Variants in SDK1 observed in about 807,000 individuals in gnomAD.
SDK1 encodes the protein sidekick cell adhesion molecule 1, also known as protein sidekick-1.
In SDK1, 157 loss-of-function variants were observed where a neutral mutation model predicts 245.5. That is an observed-to-expected ratio of 0.64 (90% CI 0.56 to 0.73). SDK1 has a LOEUF of 0.73. Among genes scored for constraint, SDK1 ranks in the 30% least tolerant of loss-of-function variants. The pLI, the probability that SDK1 is intolerant of heterozygous loss-of-function variation, is 0.00. For synonymous variants in SDK1, 1,647 were observed against 1,278.5 expected (o/e 1.29, Z -6.15); for missense variants, 3,583 against 3,002.3 (o/e 1.19, Z -4.52).
intron 1 of SDK1, among the ~76,000 whole-genome samples, chr7:3,616,509 G>A (rs893611666): frequency 1.3e-5 from 2 of 152,192 alleles, no homozygotes; most frequent in African/African-American, 2.4e-5. Flanking sequence ...CCTGCTTAAC[G>A]GTTTGGAGTG....
chr7:3,511,607 C>T (rs533356300), intron 1 of SDK1, among the ~76,000 whole-genome samples: 1 of 151,840 alleles, frequency 6.6e-6, no homozygotes, highest in African/African-American at 2.4e-5. Flanking sequence ...TCTTTCTAAC[C>T]CTCTAGTTCA....
In SDK1 at chr7:3,343,216, C is replaced by G. The variant is rs62437704; in HGVS notation, c.298+41332C>G. On this transcript the variant is annotated intron_variant, in intron 1 of 44. Coordinates refer to ENST00000404826, the MANE Select transcript of SDK1 (RefSeq NM_152744.4). ...CATAATCATGCAAAAACCTGTACAC[C>G]AATGCTTAGAGAAGCTTTATTTATA... Among the ~76,000 whole-genome samples the G allele has an allele frequency of 4.8e-3, 729 of 152,198 alleles. 3 individuals carry two copies. The highest frequency in any genetic ancestry group is 6.4e-3 in the Non-Finnish European group (437 of 68,016).
intron 14 of SDK1, among the ~76,000 whole-genome samples, chr7:4,003,137 T>A (rs1785199591): frequency 6.6e-6 from 1 of 152,260 alleles, no homozygotes; most frequent in African/African-American, 2.4e-5. Flanking sequence ...GCCCTCACTC[T>A]TGTGTGCCTG....
At chr7:3,654,050 G>T (rs1783085958) in intron 4 of SDK1, among the ~76,000 whole-genome samples, 1 of 152,140 alleles carries the variant, frequency 6.6e-6, no homozygotes, top group Non-Finnish European at 1.5e-5. Context: ...GTGGCTCTCT[G>T]GCTGGCAGTG....
In SDK1 at chr7:3,619,069, T is replaced by G. The variant is rs948204435; in HGVS notation, c.299-11T>G. 1 of 1,553,108 alleles carries G rather than the reference T, an allele frequency of 6.4e-7. No homozygotes were observed. Among genetic ancestry groups the G allele is most frequent in the African/African-American group, 1.4e-5 (1 of 73,242 alleles). Reference sequence around the variant, plus strand: ...TTCAGTTTTGTTTTGTTTTGTTTTTTAATATTTCAGATGATGTTGCTCCAT... The same window carrying G: ...TTCAGTTTTGTTTTGTTTTGTTTTTGAATATTTCAGATGATGTTGCTCCAT... On this transcript the variant is annotated splice_polypyrimidine_tract_variant and intron_variant, in intron 1 of 44. Coordinates refer to ENST00000404826, the MANE Select transcript of SDK1 (RefSeq NM_152744.4).
intron 4 of SDK1, among the ~76,000 whole-genome samples, chr7:3,659,288 A>G (rs931276798): frequency 2.0e-5 from 3 of 152,096 alleles, no homozygotes; most frequent in Non-Finnish European, 4.4e-5. Context: ...GTATGATATC[A>G]CATAGGTTCC....
At chr7:3,373,498 T>A (rs921422501) in intron 1 of SDK1, among the ~76,000 whole-genome samples, 1 of 152,234 alleles carries the variant, frequency 6.6e-6, no homozygotes, top group Non-Finnish European at 1.5e-5. Context: ...GTAAAAGGAT[T>A]GAAAGGTGTT....
chr7:4,208,664 C>G (rs1437551446), intron 37 of SDK1, among the ~76,000 whole-genome samples: 1 of 152,224 alleles, frequency 6.6e-6, no homozygotes, highest in Non-Finnish European at 1.5e-5. Context: ...GATGGCATGT[C>G]CAGATCCTTG....
At chr7:3,552,529 T>C (rs751339036) in intron 1 of SDK1, among the ~76,000 whole-genome samples, 10 of 152,352 alleles carry the variant, frequency 6.6e-5, no homozygotes, top group Middle Eastern at 3.4e-3. Context: ...TATATTCATT[T>C]ATGATCCATA....
Position 3,559,036 on chromosome 7 carries a change from G to A in SDK1, c.299-60044G>A, listed in dbSNP as rs545872587. 5.3e-5 allele frequency among the ~76,000 whole-genome samples: 8 copies of A among 152,236 alleles called. No homozygotes were observed. In the South Asian group the frequency reaches 1.7e-3, roughly 32 times the overall value. On this transcript the variant is annotated intron_variant, in intron 1 of 44. Coordinates refer to ENST00000404826, the MANE Select transcript of SDK1 (RefSeq NM_152744.4). ...GTTTTAAAATATCCTGTTGCATACA[G>A]GATGTATTTTTTTGAAGGGTTAAGA...
In SDK1 at chr7:3,957,459, C is replaced by T. The variant is rs547214328; in HGVS notation, c.1151-1472C>T. 7.9e-5 allele frequency among the ~76,000 whole-genome samples: 12 copies of T among 152,268 alleles called. No individual in the cohort carries two copies. In the South Asian group the frequency reaches 2.1e-3, roughly 26 times the overall value. ...TACAGTGTTACTTCTCACAACTGCACGGACTCGACAGTTTTCTAAAAAGAA... is the reference window on the plus strand; with the variant it reads ...TACAGTGTTACTTCTCACAACTGCATGGACTCGACAGTTTTCTAAAAAGAA... On this transcript the variant is annotated intron_variant, in intron 7 of 44. Coordinates refer to ENST00000404826, the MANE Select transcript of SDK1 (RefSeq NM_152744.4).
intron 1 of SDK1, among the ~76,000 whole-genome samples, chr7:3,592,818 G>C (rs780022425): frequency 1.3e-5 from 2 of 152,178 alleles, no homozygotes; most frequent in African/African-American, 4.8e-5. Flanking sequence ...CTGATTATTA[G>C]GAAGTATATG....
rs61732620 is a variant in SDK1, at chr7:4,017,225, G to A, written c.2475G>A (p.Pro825=). Residue 825 remains proline, a synonymous_variant, in exon 17 of 45, where the codon CCG becomes CCA. Transcript: ENST00000404826. ...GEYQQRNITS[P]EVNYCLVTDL... ...ACCAGCAGCGGAACATCACCAGCCCGGAGGTGAACTACTGCCTGGTGACAG... is the reference window on the plus strand; with the variant it reads ...ACCAGCAGCGGAACATCACCAGCCCAGAGGTGAACTACTGCCTGGTGACAG... 2,020 of 1,614,060 alleles carry A rather than the reference G, an allele frequency of 1.3e-3. 28 individuals carry two copies. The African/African-American group carries it at 0.023, about 18-fold the overall frequency.
chr7:4,261,435 G>T lies in SDK1; in HGVS notation c.6382-3689G>T, dbSNP rs568982342. Among the ~76,000 whole-genome samples, 12 of 151,924 alleles carry T rather than the reference G, an allele frequency of 7.9e-5. No individual in the cohort carries two copies. The South Asian group carries it at 2.5e-3, about 32-fold the overall frequency. ...TGCAAGGACGCAGCTCACACACCCT[G>T]GGGAAACCGGATTGGCAGTTTTCCT... On this transcript the variant is annotated intron_variant, in intron 44 of 44. Coordinates refer to ENST00000404826, the MANE Select transcript of SDK1 (RefSeq NM_152744.4).
chr7:3,574,897 C>T (rs553577927), intron 1 of SDK1, among the ~76,000 whole-genome samples: 3 of 152,000 alleles, frequency 2.0e-5, no homozygotes, highest in Non-Finnish European at 4.4e-5. Context: ...GGCATTTTCT[C>T]TGAGTTGTAG....
intron 7 of SDK1, chr7:3,957,897 C>G: frequency 2.2e-6 from 1 of 457,480 alleles, no homozygotes; most frequent in Non-Finnish European, 4.5e-6. Context: ...GTGGTTGATT[C>G]AGGCAGATTC....
intron 4 of SDK1, among the ~76,000 whole-genome samples, chr7:3,783,957 C>T (rs1583409952): frequency 6.6e-6 from 1 of 151,266 alleles, no homozygotes; most frequent in East Asian, 1.9e-4. Flanking sequence ...AACTATACTA[C>T]AGAGCTATAG....
chr7:3,515,433 A>T (rs546286528), intron 1 of SDK1, among the ~76,000 whole-genome samples: 1 of 152,322 alleles, frequency 6.6e-6, no homozygotes, highest in African/African-American at 2.4e-5. Flanking sequence ...CTTTAATGAC[A>T]GTGATGAGAT....
intron 5 of SDK1, among the ~76,000 whole-genome samples, chr7:3,895,971 A>G (rs1046892656): frequency 2.0e-5 from 3 of 151,982 alleles, no homozygotes; most frequent in African/African-American, 7.3e-5. Flanking sequence ...AATCCTTTTA[A>G]ATTTATTGAG....
Sources: allele counts gnomAD v4.1 joint callset (sites outside exome capture counted in the v4.1 genomes callset), GRCh38; gene constraint gnomAD v4.1.1; transcripts MANE v1.5; gene names NCBI Gene and HGNC (gene_info 2026-07-23, HGNC 2026-07-21).